Variants in GHR observed in about 807,000 individuals in gnomAD.
The protein encoded by GHR is growth hormone receptor.
Under a neutral mutation model 67.1 loss-of-function variants are expected in GHR, and 35 were observed. The observed-to-expected ratio is 0.52, with a 90% CI of 0.40 to 0.69. The LOEUF (loss-of-function observed/expected upper bound fraction) is 0.69. GHR is among the 30% of genes least tolerant of loss of function. The probability of loss-of-function intolerance (pLI) is 0.00; values close to 1 mark genes in which losing one functional copy is unlikely to be tolerated. For missense variants in GHR, 792 were observed against 764.6 expected (o/e 1.04, Z -0.42); for synonymous variants, 272 against 269.1 (o/e 1.01, Z -0.10).
At chr5:42,700,267 GAGCAAAATTATAGAC>G (rs1757871301) in intron 6 of GHR, among the ~76,000 whole-genome samples, 1 of 152,152 alleles carries the variant, frequency 6.6e-6, no homozygotes, top group Non-Finnish European at 1.5e-5. Flanking sequence ...TTTAACTTTA[GAGCAAAATTATAGAC>G]TGGCCACTTA....
rs764878758 is a variant in GHR at position 42,670,269 on chromosome 5, G to GGA, written c.137-18620_137-18619dup. 1.2e-4 allele frequency among the ~76,000 whole-genome samples: 18 copies of GGA among 152,182 alleles called. No homozygotes were observed. In the Middle Eastern group the frequency reaches 0.014, roughly 115 times the overall value. ...CAAAGATACCAAGAACACACAATGG[G>GGA]GAAAGACAGTGTCTTCAATAAATGG... On this transcript the variant is annotated intron_variant, in intron 3 of 9. Coordinates refer to ENST00000230882, the MANE Select transcript of GHR (RefSeq NM_000163.5).
intron 2 of GHR, among the ~76,000 whole-genome samples, chr5:42,613,979 T>G (rs1414084916): frequency 6.6e-6 from 1 of 152,142 alleles, no homozygotes. Context: ...GTACCCTGGC[T>G]CAAAGGACAT....
At chr5:42,640,734 T>C (rs1754427888) in intron 3 of GHR, among the ~76,000 whole-genome samples, 1 of 151,700 alleles carries the variant, frequency 6.6e-6, no homozygotes, top group Non-Finnish European at 1.5e-5. Context: ...TCATATATAA[T>C]AAAATACCTA....
chr5:42,638,140 C>A (rs905465778), intron 3 of GHR, among the ~76,000 whole-genome samples: 1 of 151,944 alleles, frequency 6.6e-6, no homozygotes, highest in Non-Finnish European at 1.5e-5. Context: ...GGGATTTCAC[C>A]GTGTTGGTCA....
chr5:42,711,593 G>A (rs892343844), intron 7 of GHR, among the ~76,000 whole-genome samples: 4 of 152,126 alleles, frequency 2.6e-5, no homozygotes, highest in Non-Finnish European at 5.9e-5. Flanking sequence ...AAGTCCGGGG[G>A]GCAGGTGGAA....
At chr5:42,604,072 A>G (rs895533462) in intron 2 of GHR, among the ~76,000 whole-genome samples, 1 of 152,254 alleles carries the variant, frequency 6.6e-6, no homozygotes, top group Non-Finnish European at 1.5e-5. Flanking sequence ...ACAAACAGCC[A>G]GAAGAAGAGA....
rs540578073 is a variant in GHR, at chr5:42,629,529, G to A, written c.136+426G>A. On this transcript the variant is annotated intron_variant, in intron 3 of 9. Transcript: ENST00000230882. ...CTGCTCCGCTTCACCATGATTATAG[G>A]CTTCCTGAGGCTTTCACCAGAAGCA... Among the ~76,000 whole-genome samples, 21 of 131,964 alleles carry A rather than the reference G, an allele frequency of 1.6e-4. 8 individuals carry two copies. Among genetic ancestry groups the A allele is most frequent in the African/African-American group, 6.1e-4 (19 of 31,230 alleles). The allele number at this position is 131,964 out of a possible 152,430, so 86.6% of individuals were successfully genotyped here.
Position 42,720,719 on chromosome 5 carries a change from T to C in GHR, c.*1295T>C, listed in dbSNP as rs1321167731. On this transcript the variant is annotated 3_prime_UTR_variant, in exon 10 of 10. Transcript: ENST00000230882. The stretch of plus-strand genomic sequence containing the variant: ...TCAGTCCCCACAGATAACTGAAAAT[T>C]ATTTAAACCGCTAAAAGAAACTTTC... The C allele has an allele frequency of 6.6e-6, 1 of 152,200 alleles. No individual in the cohort carries two copies. Among genetic ancestry groups the C allele is most frequent in the Non-Finnish European group, 1.5e-5 (1 of 68,040 alleles). The allele number at this position is 152,200 out of a possible 1,614,324, so 9.4% of individuals were successfully genotyped here. A position where few individuals can be genotyped will look rare whatever the true frequency, so the allele number is the denominator to read the frequency against.
At chr5:42,606,565 T>G (rs1752639640) in intron 2 of GHR, among the ~76,000 whole-genome samples, 1 of 152,136 alleles carries the variant, frequency 6.6e-6, no homozygotes, top group Admixed American at 6.6e-5. Context: ...AAACTAAGAC[T>G]GAGAACTTAA....
Position 42,720,465 on chromosome 5 carries a change from T to A in GHR, c.*1041T>A, listed in dbSNP as rs776367930. On this transcript the variant is annotated 3_prime_UTR_variant, in exon 10 of 10. Transcript: ENST00000230882. ...TGCAGATGGTGAGAGATAAGATCTA[T>A]AGCCTCTGCAGCGGAATCTGTTCAC... The A allele has an allele frequency of 3.3e-5, 5 of 152,210 alleles. No individual in the cohort carries two copies. Among genetic ancestry groups the A allele is most frequent in the African/African-American group, 7.2e-5 (3 of 41,456 alleles). The allele number at this position is 152,210 out of a possible 1,614,324, so 9.4% of individuals were successfully genotyped here.
chr5:42,495,097 G>C (rs1561075728), intron 1 of GHR, among the ~76,000 whole-genome samples: 1 of 151,544 alleles, frequency 6.6e-6, no homozygotes, highest in Non-Finnish European at 1.5e-5. Context: ...CATTTTCTTT[G>C]ATGGAGGTAG....
chr5:42,492,490 G>T (rs1196971994), intron 1 of GHR, among the ~76,000 whole-genome samples: 1 of 152,180 alleles, frequency 6.6e-6, no homozygotes, highest in Non-Finnish European at 1.5e-5. Flanking sequence ...GCAGCTGGTG[G>T]TTTTCTGCTG....
intron 1 of GHR, among the ~76,000 whole-genome samples, chr5:42,520,715 T>C (rs1350439898): frequency 6.6e-6 from 1 of 152,084 alleles, no homozygotes; most frequent in African/African-American, 2.4e-5. Context: ...GCATACACAA[T>C]CAAAGGTGAT....
intron 2 of GHR, among the ~76,000 whole-genome samples, chr5:42,608,863 G>C (rs1210096381): frequency 3.3e-5 from 5 of 152,020 alleles, no homozygotes; most frequent in African/African-American, 1.2e-4. Context: ...TTTTTTGTGT[G>C]TGTTTCCATC....
At chr5:42,620,486 T>G (rs1443102126) in intron 2 of GHR, among the ~76,000 whole-genome samples, 1 of 152,012 alleles carries the variant, frequency 6.6e-6, no homozygotes, top group Non-Finnish European at 1.5e-5. Context: ...GAATAATAAG[T>G]GCCATTGTCC....
intron 1 of GHR, among the ~76,000 whole-genome samples, chr5:42,442,064 T>C (rs1743602863): frequency 6.6e-6 from 1 of 152,104 alleles, no homozygotes. Context: ...AGAGGTGTGT[T>C]TGATGTGGTG....
intron 1 of GHR, among the ~76,000 whole-genome samples, chr5:42,512,612 A>T (rs1416261795): frequency 6.6e-6 from 1 of 152,146 alleles, no homozygotes; most frequent in Non-Finnish European, 1.5e-5. Flanking sequence ...ATATATACAT[A>T]GACAACCTAC....
intron 1 of GHR, among the ~76,000 whole-genome samples, chr5:42,461,322 A>G (rs923060210): frequency 3.9e-5 from 6 of 152,184 alleles, no homozygotes; most frequent in Non-Finnish European, 5.9e-5. Context: ...ATATTCATTA[A>G]TGTTCTCCAA....
chr5:42,483,489 C>G (rs1293537300), intron 1 of GHR, among the ~76,000 whole-genome samples: 1 of 142,524 alleles, frequency 7.0e-6, no homozygotes, highest in Admixed American at 7.1e-5. Context: ...TTTATTTGGA[C>G]ATGTTAAAAA....
Sources: gnomAD v4.1 joint callset for allele counts (sites outside exome capture counted in the v4.1 genomes callset) on GRCh38, gnomAD v4.1.1 for gene constraint, MANE v1.5 for transcripts, NCBI Gene and HGNC (gene_info 2026-07-23, HGNC 2026-07-21) for gene names.